GUCY1A2: variants seen among roughly 807,000 people sequenced by gnomAD.
The protein encoded by GUCY1A2 is guanylate cyclase 1 soluble subunit alpha 2.
GUCY1A2 carries 27 observed loss-of-function variants against 63.5 expected under a neutral mutation model. The observed-to-expected ratio is 0.43, with a 90% confidence interval of 0.31 to 0.59. GUCY1A2 has a LOEUF of 0.59. Among genes scored for constraint, GUCY1A2 ranks in the 20% least tolerant of loss-of-function variants. GUCY1A2 has a pLI of 0.11. For missense variants in GUCY1A2, 768 were observed against 913.3 expected (o/e 0.84, Z 2.05); for synonymous variants, 364 against 343.5 (o/e 1.06, Z -0.66).
chr11:107,016,165 G>A (rs1256551838), intron 1 of GUCY1A2, among the ~76,000 whole-genome samples: 2 of 152,212 alleles, frequency 1.3e-5, no homozygotes, highest in Non-Finnish European at 1.5e-5. Context: ...ATCATTTGCA[G>A]TAGTAATCTC....
intron 5 of GUCY1A2, among the ~76,000 whole-genome samples, chr11:106,789,589 G>T (rs1362376259): frequency 1.3e-5 from 2 of 152,128 alleles, no homozygotes; most frequent in Non-Finnish European, 2.9e-5. Flanking sequence ...AGAATTTATT[G>T]CAGTCTTCAT....
At chr11:106,850,880 A>T (rs1859344426) in intron 4 of GUCY1A2, among the ~76,000 whole-genome samples, 1 of 151,900 alleles carries the variant, frequency 6.6e-6, no homozygotes, top group Non-Finnish European at 1.5e-5. Flanking sequence ...ACTAAACTGT[A>T]TGGCAGTTCT....
intron 4 of GUCY1A2, among the ~76,000 whole-genome samples, chr11:106,832,728 A>T (rs979032240): frequency 2.0e-5 from 3 of 152,160 alleles, no homozygotes; most frequent in Non-Finnish European, 2.9e-5. Flanking sequence ...TTAAAATAAT[A>T]AATGAACCTA....
Position 106,940,197 on chromosome 11 carries a change from C to G in GUCY1A2, c.488-19G>C, listed in dbSNP as rs781571698. The stretch of plus-strand genomic sequence containing the variant: ...TTCAAACCTAGAGGTAAATGGGAAG[C>G]AAATGTTAGTGAAGTCTAATATAAA... On this transcript the variant is annotated intron_variant, in intron 3 of 7. Coordinates refer to ENST00000526355, the MANE Select transcript of GUCY1A2 (RefSeq NM_000855.3). 27 of 1,137,536 alleles carry G rather than the reference C, an allele frequency of 2.4e-5. No individual in the cohort carries two copies. Among genetic ancestry groups the G allele is most frequent in the African/African-American group, 4.6e-5 (3 of 64,526 alleles). The allele number at this position is 1,137,536 out of a possible 1,614,324, so 70.5% of individuals were successfully genotyped here.
At chr11:106,701,935 A>T (rs555079232) in intron 7 of GUCY1A2, among the ~76,000 whole-genome samples, 1 of 152,010 alleles carries the variant, frequency 6.6e-6, no homozygotes, top group African/African-American at 2.4e-5. Context: ...TTAAAAAGTA[A>T]TTATTGTTTT....
At chr11:106,901,854 T>C (rs1860138612) in intron 4 of GUCY1A2, among the ~76,000 whole-genome samples, 1 of 152,186 alleles carries the variant, frequency 6.6e-6, no homozygotes, top group African/African-American at 2.4e-5. Context: ...CCATGGTGTA[T>C]ATGTGCCACA....
intron 3 of GUCY1A2, among the ~76,000 whole-genome samples, chr11:106,941,578 A>G (rs1422306433): frequency 6.6e-6 from 1 of 152,216 alleles, no homozygotes; most frequent in African/African-American, 2.4e-5. Context: ...CTGGGAAAAG[A>G]AGGTCACTTT....
chr11:106,688,257 C>T (rs1302994982), intron 7 of GUCY1A2, among the ~76,000 whole-genome samples: 4 of 152,130 alleles, frequency 2.6e-5, no homozygotes, highest in African/African-American at 4.8e-5. Context: ...AACAACACTT[C>T]GTGACTCCCA....
At chr11:106,741,071 G>A (rs1447703503) in intron 6 of GUCY1A2, among the ~76,000 whole-genome samples, 2 of 152,140 alleles carry the variant, frequency 1.3e-5, no homozygotes, top group African/African-American at 4.8e-5. Flanking sequence ...CTGTCCAATA[G>A]AAAAACAATG....
At chr11:106,802,046 T>C (rs142615142) in intron 5 of GUCY1A2, among the ~76,000 whole-genome samples, 1 of 152,252 alleles carries the variant, frequency 6.6e-6, no homozygotes, top group Non-Finnish European at 1.5e-5. Context: ...TGTTATTAAG[T>C]GATAAATAGT....
chr11:106,802,644 G>A (rs1012230529), intron 5 of GUCY1A2, among the ~76,000 whole-genome samples: 3 of 152,114 alleles, frequency 2.0e-5, no homozygotes, highest in African/African-American at 7.2e-5. Flanking sequence ...TAGTTATGGA[G>A]GCTGGAAAGT....
At chr11:106,832,040 G>C (rs78957745) in intron 4 of GUCY1A2, among the ~76,000 whole-genome samples, 4,040 of 152,154 alleles carry the variant, frequency 0.027, 165 homozygotes, top group African/African-American at 0.092. Context: ...ATTAATTAAA[G>C]GCAAGTCCCA....
chr11:106,936,710 G>A (rs1316477121), intron 4 of GUCY1A2: 14 of 1,481,268 alleles, frequency 9.5e-6, no homozygotes, highest in Middle Eastern at 1.7e-4. Context: ...TGACATGCTT[G>A]CTCTTGATTT....
chr11:106,722,831 T>C (rs985036994), intron 6 of GUCY1A2, among the ~76,000 whole-genome samples: 2 of 151,990 alleles, frequency 1.3e-5, no homozygotes, highest in African/African-American at 4.8e-5. Flanking sequence ...GCACACAATG[T>C]CAATTTTAAG....
intron 5 of GUCY1A2, among the ~76,000 whole-genome samples, chr11:106,788,823 A>G (rs1864610507): frequency 6.6e-6 from 1 of 152,194 alleles, no homozygotes. Flanking sequence ...TATAATTTGA[A>G]GTCAGGTATT....
intron 6 of GUCY1A2, among the ~76,000 whole-genome samples, chr11:106,745,028 T>C (rs1042160960): frequency 6.6e-6 from 1 of 152,040 alleles, no homozygotes; most frequent in Non-Finnish European, 1.5e-5. Flanking sequence ...CTGTTAATTA[T>C]GAAGGAAAAG....
chr11:106,827,092 A>G, intron 4 of GUCY1A2: 1 of 1,494,664 alleles, frequency 6.7e-7, no homozygotes, highest in Non-Finnish European at 9.3e-7. Flanking sequence ...CTCATCCTGA[A>G]GGTAGATTTT....
chr11:106,958,534 C>T (rs938423672), intron 3 of GUCY1A2, among the ~76,000 whole-genome samples: 2 of 151,910 alleles, frequency 1.3e-5, no homozygotes, highest in Non-Finnish European at 2.9e-5. Context: ...TCATGTTCTC[C>T]TGTCTTTTCT....
At chr11:106,739,687 G>A (rs999904732) in intron 6 of GUCY1A2, among the ~76,000 whole-genome samples, 1 of 152,086 alleles carries the variant, frequency 6.6e-6, no homozygotes, top group Admixed American at 6.6e-5. Context: ...ATGTCTTTTA[G>A]AATTGATTTT....
Sources: allele counts gnomAD v4.1 joint callset (sites outside exome capture counted in the v4.1 genomes callset), GRCh38; gene constraint gnomAD v4.1.1; transcripts MANE v1.5; gene names NCBI Gene and HGNC (gene_info 2026-07-23, HGNC 2026-07-21).